Variants in EEPD1 observed in about 807,000 individuals in gnomAD.
EEPD1 encodes the protein endonuclease/exonuclease/phosphatase family domain containing 1.
In EEPD1, 17 loss-of-function variants were observed where a neutral mutation model predicts 46.3. The ratio of observed to expected loss-of-function variants is 0.37; its 90% CI spans 0.25 to 0.55. The LOEUF is 0.55. EEPD1 is among the 20% of genes least tolerant of loss of function. EEPD1 has a pLI of 0.83. For synonymous variants in EEPD1, 313 were observed against 315.6 expected (o/e 0.99, Z 0.09); for missense variants, 673 against 745.6 (o/e 0.90, Z 1.13).
intron 6 of EEPD1, among the ~76,000 whole-genome samples, chr7:36,289,791 G>C (rs1787399964): frequency 6.6e-6 from 1 of 152,262 alleles, no homozygotes; most frequent in Admixed American, 6.5e-5. Flanking sequence ...ACAGCGCCTG[G>C]CCAGAATTTC....
At chr7:36,286,607 G>T (rs754947399) in intron 5 of EEPD1, among the ~76,000 whole-genome samples, 10 of 152,228 alleles carry the variant, frequency 6.6e-5, no homozygotes, top group South Asian at 4.1e-4. Flanking sequence ...CATGTCCTAG[G>T]CTGGCCAGGT....
intron 3 of EEPD1, among the ~76,000 whole-genome samples, chr7:36,277,148 G>A (rs1050257845): frequency 1.3e-5 from 2 of 152,248 alleles, no homozygotes; most frequent in African/African-American, 4.8e-5. Flanking sequence ...AGATTCAGTA[G>A]AGGGGGCCAG....
chr7:36,259,194 A>G (rs145011205), intron 3 of EEPD1, among the ~76,000 whole-genome samples: 4,473 of 152,200 alleles, frequency 0.029, 220 homozygotes, highest in African/African-American at 0.1. Context: ...ACCAGTCTCA[A>G]TGAGATGAGC....
In EEPD1 at chr7:36,259,438, T is replaced by C. The variant is rs80197708; in HGVS notation, c.930+20402T>C. Among the ~76,000 whole-genome samples, 40 of 152,322 alleles carry C rather than the reference T, an allele frequency of 2.6e-4. 2 individuals are homozygous for C. In the East Asian group the frequency reaches 7.7e-3, roughly 29 times the overall value. ...ATAGCTGTATTCCGTCTTTCCCCCT[T>C]TTGTGCTATTGTCTATGCATCTATA... On this transcript the variant is annotated intron_variant, in intron 3 of 7. Transcript: ENST00000242108.
chr7:36,197,848 C>T lies in EEPD1; in HGVS notation c.879-41137C>T, dbSNP rs566658584. On this transcript the variant is annotated intron_variant, in intron 2 of 7. Transcript: ENST00000242108. ...TTCCCTCCACTATTGTCTTATGACC[C>T]TGCCAAATCCCCCTCTGCGAGAAAC... Among the ~76,000 whole-genome samples, 239 of 151,600 alleles carry T rather than the reference C, an allele frequency of 1.6e-3. 2 individuals carry two copies. Among genetic ancestry groups the T allele is most frequent in the African/African-American group, 5.4e-3 (224 of 41,312 alleles).
intron 2 of EEPD1, among the ~76,000 whole-genome samples, chr7:36,205,916 A>G (rs1040829345): frequency 6.6e-6 from 1 of 152,170 alleles, no homozygotes; most frequent in African/African-American, 2.4e-5. Flanking sequence ...GCACTGACCT[A>G]AATAAGGACA....
chr7:36,259,124 A>G (rs1786872845), intron 3 of EEPD1, among the ~76,000 whole-genome samples: 1 of 152,106 alleles, frequency 6.6e-6, no homozygotes, highest in South Asian at 2.1e-4. Flanking sequence ...TGTGCTTCCC[A>G]GGTGAGGTGA....
chr7:36,161,897 CA>C (rs10570788), intron 2 of EEPD1, among the ~76,000 whole-genome samples: 15,837 of 126,904 alleles, frequency 0.12, 767 homozygotes, highest in Non-Finnish European at 0.14. Flanking sequence ...CTGTCTCTCT[CA>C]AAAAAAAAAA....
rs1021555175 is a variant in EEPD1, at chr7:36,255,333, T to A, written c.930+16297T>A. Among the ~76,000 whole-genome samples the A allele has an allele frequency of 3.9e-5, 6 of 152,218 alleles. No individual in the cohort carries two copies. In the East Asian group the frequency reaches 1.2e-3, roughly 29 times the overall value. On this transcript the variant is annotated intron_variant, in intron 3 of 7. Coordinates refer to ENST00000242108, the MANE Select transcript of EEPD1 (RefSeq NM_030636.3). Reference sequence around the variant, plus strand: ...TTTTGTATAAAGTGCAAGGAAGGGATCCAGTTTCAGTTTTCTGCATATGGC... The same window carrying A: ...TTTTGTATAAAGTGCAAGGAAGGGAACCAGTTTCAGTTTTCTGCATATGGC...
At chr7:36,232,747 C>T (rs983177255) in intron 2 of EEPD1, among the ~76,000 whole-genome samples, 10 of 151,450 alleles carry the variant, frequency 6.6e-5, no homozygotes, top group Admixed American at 5.3e-4. Context: ...TAGCACTGTG[C>T]ATGCCAGGCC....
intron 3 of EEPD1, among the ~76,000 whole-genome samples, chr7:36,262,521 C>T (rs1441599762): frequency 6.6e-6 from 1 of 152,142 alleles, no homozygotes; most frequent in Non-Finnish European, 1.5e-5. Context: ...ATGGTTTGAC[C>T]TTTGTCTTGG....
At chr7:36,183,431 C>T (rs768113051) in intron 2 of EEPD1, among the ~76,000 whole-genome samples, 11 of 152,100 alleles carry the variant, frequency 7.2e-5, no homozygotes, top group Non-Finnish European at 1.3e-4. Context: ...GAGAGCTGCA[C>T]GCCCGGCTTC....
At chr7:36,240,749 C>T (rs1383852940) in intron 3 of EEPD1, among the ~76,000 whole-genome samples, 1 of 152,156 alleles carries the variant, frequency 6.6e-6, no homozygotes, top group East Asian at 1.9e-4. Flanking sequence ...AGTTCCCAAC[C>T]TTTTTGGCAC....
intron 5 of EEPD1, among the ~76,000 whole-genome samples, chr7:36,287,236 C>CAAA (rs377318198): frequency 0.071 from 2,980 of 42,198 alleles, 1,069 homozygotes; most frequent in East Asian, 0.29. Flanking sequence ...GACTCCTTCT[C>CAAA]AAAAAAAAAA....
chr7:36,205,168 T>A (rs1264746393), intron 2 of EEPD1, among the ~76,000 whole-genome samples: 3 of 151,290 alleles, frequency 2.0e-5, no homozygotes, highest in African/African-American at 7.3e-5. Context: ...GGGAGGGGGG[T>A]CACCAGGATA....
At chr7:36,236,915 C>A (rs1037196639) in intron 2 of EEPD1, among the ~76,000 whole-genome samples, 15 of 152,344 alleles carry the variant, frequency 9.8e-5, no homozygotes, top group African/African-American at 3.1e-4. Flanking sequence ...GGCCCCCTAG[C>A]CAGCAGGGGC....
chr7:36,205,376 G>C (rs879332243), intron 2 of EEPD1, among the ~76,000 whole-genome samples: 8 of 152,180 alleles, frequency 5.3e-5, no homozygotes, highest in Non-Finnish European at 7.4e-5. Context: ...AAACAGTTTT[G>C]CTCTAGGCTT....
intron 2 of EEPD1, among the ~76,000 whole-genome samples, chr7:36,210,988 A>G (rs1477086438): frequency 6.6e-6 from 1 of 152,214 alleles, no homozygotes; most frequent in Non-Finnish European, 1.5e-5. Flanking sequence ...TCTAGGCATC[A>G]GTTTTCCTCA....
intron 3 of EEPD1, among the ~76,000 whole-genome samples, chr7:36,245,916 C>A (rs557210459): frequency 6.6e-6 from 1 of 152,302 alleles, no homozygotes; most frequent in East Asian, 1.9e-4. Flanking sequence ...GAACTTAAGT[C>A]ACAGGTACTT....
Sources: gnomAD v4.1 joint callset for allele counts (sites outside exome capture counted in the v4.1 genomes callset) on GRCh38, gnomAD v4.1.1 for gene constraint, MANE v1.5 for transcripts, NCBI Gene and HGNC (gene_info 2026-07-23, HGNC 2026-07-21) for gene names.